Variants in TUSC3 observed in about 807,000 individuals in gnomAD.
The protein encoded by TUSC3 is tumor suppressor candidate 3.
Under a neutral mutation model 44.8 loss-of-function variants are expected in TUSC3, and 45 were observed. The ratio of observed to expected loss-of-function variants is 1.00; its 90% CI spans 0.79 to 1.29. The LOEUF is 1.29. Among genes scored for constraint, TUSC3 ranks in the 50% most tolerant of loss-of-function variants. TUSC3 has a pLI of 0.00. For missense variants in TUSC3, 519 were observed against 437.9 expected, an observed-to-expected ratio of 1.19 and a Z score of -1.65; for synonymous variants, 212 against 152.9, an observed-to-expected ratio of 1.39 and a Z score of -2.85.
intron 1 of TUSC3, among the ~76,000 whole-genome samples, chr8:15,580,883 A>T (rs1430053387): frequency 5.0e-5 from 7 of 141,160 alleles, no homozygotes; most frequent in Admixed American, 3.6e-4. Context: ...AGATTGGGGA[A>T]GTTCTCCTGG....
chr8:15,539,207 A>G (rs1192726998), upstream of TUSC3, among the ~76,000 whole-genome samples: 2 of 152,044 alleles, frequency 1.3e-5, no homozygotes, highest in Non-Finnish European at 2.9e-5. Flanking sequence ...GAAGGCGTCT[A>G]CAGGTTTTAT....
At chr8:15,750,445 T>A (rs1811647120) in intron 9 of TUSC3, among the ~76,000 whole-genome samples, 2 of 152,162 alleles carry the variant, frequency 1.3e-5, no homozygotes, top group African/African-American at 2.4e-5. Flanking sequence ...AAAAAATATT[T>A]TACTAGTTTT....
chr8:15,462,393 A>G (rs1305417221), intron 1 of TUSC3, among the ~76,000 whole-genome samples: 1 of 152,106 alleles, frequency 6.6e-6, no homozygotes, highest in Non-Finnish European at 1.5e-5. Flanking sequence ...CAAATGGCCA[A>G]CTGCTATTTT....
chr8:15,691,715 TGAAG>T (rs1377450141), intron 6 of TUSC3, among the ~76,000 whole-genome samples: 1 of 152,200 alleles, frequency 6.6e-6, no homozygotes, highest in Non-Finnish European at 1.5e-5. Flanking sequence ...GTTTTTAACA[TGAAG>T]GAATATTGAA....
chr8:15,827,775 TA>T, the TUSC3 span, among the ~76,000 whole-genome samples: 20 of 152,122 alleles, frequency 1.3e-4, no homozygotes, highest in African/African-American at 4.6e-4. Flanking sequence ...CTGATTTGGA[TA>T]ATTTAGATGA....
the TUSC3 span, among the ~76,000 whole-genome samples, chr8:15,843,808 CAT>C: frequency 6.6e-6 from 1 of 151,922 alleles, no homozygotes. Context: ...TCTTATGAAA[CAT>C]AGCTTTGTCC....
chr8:15,798,379 C>T, the TUSC3 span, among the ~76,000 whole-genome samples: 1 of 152,180 alleles, frequency 6.6e-6, no homozygotes, highest in Non-Finnish European at 1.5e-5. Flanking sequence ...GAATCCTTCC[C>T]CTTTTCAAAA....
intron 6 of TUSC3, among the ~76,000 whole-genome samples, chr8:15,688,303 A>T (rs1368661525): frequency 6.6e-6 from 1 of 152,172 alleles, no homozygotes; most frequent in Admixed American, 6.5e-5. Context: ...ACTCAGAAAA[A>T]TTGTTTTCAA....
chr8:15,817,107 T>G, the TUSC3 span, among the ~76,000 whole-genome samples: 123,326 of 152,132 alleles, frequency 0.81, 50,310 homozygotes, highest in Non-Finnish European at 0.85. Flanking sequence ...AAAGGGACCA[T>G]CAGTCACTGC....
At chr8:15,629,433 G>C (rs946950840) in intron 2 of TUSC3, among the ~76,000 whole-genome samples, 6 of 151,840 alleles carry the variant, frequency 4.0e-5, no homozygotes, top group Non-Finnish European at 8.8e-5. Flanking sequence ...AGGTGAAGAG[G>C]AGTTTCTACA....
rs139737121 is a variant in TUSC3, at chr8:15,679,395, A to G, written c.798+5559A>G. 9.5e-4 allele frequency among the ~76,000 whole-genome samples: 144 copies of G among 152,074 alleles called. 1 individual carries two copies. The East Asian group carries it at 0.022, about 23-fold the overall frequency. On this transcript the variant is annotated intron_variant, in intron 6 of 10. Coordinates refer to ENST00000503731, the MANE Select transcript of TUSC3 (RefSeq NM_006765.4). ...TTTTTCATGTTTATTGACCACTTGC[A>G]TGTTTTCTTTTGACACGTATCAGTT...
chr8:15,709,441 C>G (rs982299154), intron 6 of TUSC3, among the ~76,000 whole-genome samples: 1 of 151,852 alleles, frequency 6.6e-6, no homozygotes, highest in Non-Finnish European at 1.5e-5. Flanking sequence ...ATTGAACTAG[C>G]TCTAGTTAAT....
In TUSC3 at chr8:15,494,760, A is replaced by G; in HGVS notation, n.189+11277A>G. ...ACGGACTTTTCTGGACTGTATTATG[A>G]CAAAGGGTGAAATAGACAATGCAGC... On this transcript the variant is annotated intron_variant and non_coding_transcript_variant, in intron 2 of 5. Coordinates refer to the TUSC3 transcript ENST00000503191. Among the ~76,000 whole-genome samples, 2 of 152,214 alleles carry G rather than the reference A, an allele frequency of 1.3e-5. 1 individual carries two copies. Among genetic ancestry groups the G allele is most frequent in the Admixed American group, 1.3e-4 (2 of 15,286 alleles).
intron 1 of TUSC3, among the ~76,000 whole-genome samples, chr8:15,481,482 A>G (rs1164897012): frequency 5.3e-5 from 8 of 151,894 alleles, no homozygotes; most frequent in Middle Eastern, 3.2e-3. Flanking sequence ...CAGTTCCTCA[A>G]TCTTGCACCT....
At chr8:15,755,052 T>G (rs1020020765) in intron 9 of TUSC3, among the ~76,000 whole-genome samples, 2 of 152,216 alleles carry the variant, frequency 1.3e-5, no homozygotes, top group Admixed American at 6.5e-5. Context: ...GTCTTAAATC[T>G]TCCCCTAAAG....
At chr8:15,673,098 C>T (rs937885962) in intron 5 of TUSC3, among the ~76,000 whole-genome samples, 1 of 152,058 alleles carries the variant, frequency 6.6e-6, no homozygotes, top group Non-Finnish European at 1.5e-5. Flanking sequence ...TTTATGCATT[C>T]TCTCCCCACC....
chr8:15,734,586 G>T (rs987492668), intron 7 of TUSC3, among the ~76,000 whole-genome samples: 1 of 151,992 alleles, frequency 6.6e-6, no homozygotes, highest in Non-Finnish European at 1.5e-5. Flanking sequence ...ACCATCTAAT[G>T]CAAATGTGAA....
chr8:15,532,049 T>C (rs1317151808), intron 2 of TUSC3, among the ~76,000 whole-genome samples: 1 of 152,216 alleles, frequency 6.6e-6, no homozygotes, highest in Non-Finnish European at 1.5e-5. Flanking sequence ...AAATTGTCAG[T>C]GACTTACTCT....
At chr8:15,748,972 T>G (rs1811546558) in intron 9 of TUSC3, 1 of 345,308 alleles carries the variant, frequency 2.9e-6, no homozygotes, top group Admixed American at 4.2e-5. Context: ...CACCAACAAA[T>G]ATATTGAAAA....
Sources: gnomAD v4.1 joint callset for allele counts (sites outside exome capture counted in the v4.1 genomes callset) on GRCh38, gnomAD v4.1.1 for gene constraint, MANE v1.5 for transcripts, NCBI Gene and HGNC (gene_info 2026-07-23, HGNC 2026-07-21) for gene names.